Variants in NCAM2 observed in about 807,000 individuals in gnomAD.
NCAM2 encodes N-CAM-2.
In NCAM2, 30 loss-of-function variants were observed where a neutral mutation model predicts 98.1. That is an observed-to-expected ratio of 0.31 (90% CI 0.23 to 0.41). The LOEUF (loss-of-function observed/expected upper bound fraction) is 0.41, where lower values mean the gene tolerates loss of function less well. NCAM2 is among the 10% of genes least tolerant of loss of function. The probability of loss-of-function intolerance (pLI) is 1.00; values close to 1 mark genes in which losing one functional copy is unlikely to be tolerated. For missense variants in NCAM2, 867 were observed against 1,005.8 expected (o/e 0.86, Z 1.87); for synonymous variants, 368 against 342.4 (o/e 1.07, Z -0.83).
intron 1 of NCAM2, among the ~76,000 whole-genome samples, chr21:21,035,238 A>C (rs1021373437): frequency 7.9e-5 from 12 of 152,202 alleles, no homozygotes; most frequent in African/African-American, 2.9e-4. Flanking sequence ...AGCACATCCC[A>C]GTCAAAGCCT....
intron 1 of NCAM2, among the ~76,000 whole-genome samples, chr21:21,045,287 A>G (rs2064986992): frequency 6.6e-6 from 1 of 152,188 alleles, no homozygotes; most frequent in South Asian, 2.1e-4. Flanking sequence ...AAATAAATAA[A>G]ATACAAATAT....
At chr21:21,055,648 G>A (rs1335493426) in intron 1 of NCAM2, among the ~76,000 whole-genome samples, 1 of 152,024 alleles carries the variant, frequency 6.6e-6, no homozygotes, top group African/African-American at 2.4e-5. Flanking sequence ...AACACAAAAT[G>A]GAGATCACTG....
chr21:21,510,208 C>T (rs1988275341), intron 16 of NCAM2, among the ~76,000 whole-genome samples: 2 of 152,088 alleles, frequency 1.3e-5, no homozygotes, highest in South Asian at 2.1e-4. Flanking sequence ...AGTAAAGCCA[C>T]AGAATAAAAT....
intron 1 of NCAM2, among the ~76,000 whole-genome samples, chr21:21,158,650 A>G (rs2067686840): frequency 6.6e-6 from 1 of 151,580 alleles, no homozygotes; most frequent in Non-Finnish European, 1.5e-5. Flanking sequence ...TGAAATATTT[A>G]TATCACTTAG....
At chr21:21,017,442 A>AAAAAAAG (rs1390134480) in intron 1 of NCAM2, among the ~76,000 whole-genome samples, 1 of 150,546 alleles carries the variant, frequency 6.6e-6, no homozygotes, top group Non-Finnish European at 1.5e-5. Context: ...AAAAAAAAAA[A>AAAAAAAG]AAAAAAGAAA....
chr21:21,118,330 A>AG (rs1424320081), intron 1 of NCAM2, among the ~76,000 whole-genome samples: 3 of 152,228 alleles, frequency 2.0e-5, no homozygotes, highest in African/African-American at 7.2e-5. Context: ...CCAAAGATGC[A>AG]GCGGGGGGGC....
intron 1 of NCAM2, among the ~76,000 whole-genome samples, chr21:21,225,039 A>G (rs1390147441): frequency 6.6e-6 from 1 of 152,158 alleles, no homozygotes; most frequent in Non-Finnish European, 1.5e-5. Flanking sequence ...TAGGCTGAAG[A>G]AAACATGGTA....
intron 11 of NCAM2, among the ~76,000 whole-genome samples, chr21:21,425,142 T>C (rs1370861882): frequency 6.6e-6 from 1 of 151,092 alleles, no homozygotes; most frequent in African/African-American, 2.4e-5. Flanking sequence ...GCAACATGAT[T>C]CATGTATCTT....
rs368900707 is a variant in NCAM2, at chr21:21,083,604, G to T, written c.55+84986G>T. 2.1e-4 allele frequency among the ~76,000 whole-genome samples: 32 copies of T among 152,104 alleles called. No individual in the cohort carries two copies. In the East Asian group the frequency reaches 3.5e-3, roughly 17 times the overall value. On this transcript the variant is annotated intron_variant, in intron 1 of 17. Transcript: ENST00000400546. ...AATCTTTCATATTTTTAGTAGAGAT[G>T]AGATTTCACTATGTTGCCCAGGCTG...
chr21:21,291,444 G>A (rs2073288556), intron 4 of NCAM2, among the ~76,000 whole-genome samples: 1 of 151,468 alleles, frequency 6.6e-6, no homozygotes, highest in African/African-American at 2.4e-5. Context: ...GTGAATGCAG[G>A]CTGTATACCA....
intron 1 of NCAM2, among the ~76,000 whole-genome samples, chr21:21,010,531 C>T (rs972534185): frequency 2.0e-5 from 3 of 152,068 alleles, no homozygotes; most frequent in Non-Finnish European, 2.9e-5. Context: ...TAGCCTCCTT[C>T]CTACACTGTG....
At chr21:21,509,183 G>A in intron 16 of NCAM2, 128 bp downstream of exon 16, 1 of 742,326 alleles carries the variant, frequency 1.3e-6, no homozygotes, top group Non-Finnish European at 2.2e-6. Context: ...ATTGGACACT[G>A]CACTGCCTGC....
intron 12 of NCAM2, among the ~76,000 whole-genome samples, chr21:21,452,928 AAT>A (rs1448146788): frequency 5.1e-5 from 5 of 97,784 alleles, no homozygotes; most frequent in African/African-American, 8.6e-5. Context: ...TATATTATAT[AAT>A]ATATATAATA....
At chr21:21,001,477 C>T (rs951550926) in intron 1 of NCAM2, among the ~76,000 whole-genome samples, 1 of 152,180 alleles carries the variant, frequency 6.6e-6, no homozygotes, top group Non-Finnish European at 1.5e-5. Flanking sequence ...AACTTGGTCA[C>T]AGGCTTTGTA....
At chr21:21,138,302 T>C (rs186301204) in intron 1 of NCAM2, among the ~76,000 whole-genome samples, 61 of 152,264 alleles carry the variant, frequency 4.0e-4, no homozygotes, top group African/African-American at 1.4e-3. Flanking sequence ...CAAACCAGCA[T>C]TGCAGTACTT....
intron 1 of NCAM2, among the ~76,000 whole-genome samples, chr21:21,204,376 C>G (rs1047404406): frequency 1.3e-5 from 2 of 152,014 alleles, no homozygotes; most frequent in Admixed American, 1.3e-4. Flanking sequence ...CGGTAGCTTT[C>G]TTATACAGGG....
At chr21:21,087,337 T>G (rs903010376) in intron 1 of NCAM2, among the ~76,000 whole-genome samples, 1 of 152,160 alleles carries the variant, frequency 6.6e-6, no homozygotes, top group Non-Finnish European at 1.5e-5. Context: ...AGCCAAGTCA[T>G]GAGACCGAGG....
At chr21:21,445,331 T>C (rs1447085884) in intron 12 of NCAM2, among the ~76,000 whole-genome samples, 1 of 152,194 alleles carries the variant, frequency 6.6e-6, no homozygotes, top group Non-Finnish European at 1.5e-5. Flanking sequence ...TGAAGAGTTC[T>C]GTAGATATCT....
intron 1 of NCAM2, among the ~76,000 whole-genome samples, chr21:21,260,734 A>G (rs1213413252): frequency 6.6e-6 from 1 of 152,182 alleles, no homozygotes; most frequent in Non-Finnish European, 1.5e-5. Flanking sequence ...AAAGGTCAGT[A>G]CTTCCTTTAA....
Sources: allele counts gnomAD v4.1 joint callset (sites outside exome capture counted in the v4.1 genomes callset), GRCh38; gene constraint gnomAD v4.1.1; transcripts MANE v1.5; gene names NCBI Gene and HGNC (gene_info 2026-07-23, HGNC 2026-07-21).